Variants in COG5 observed in about 807,000 individuals in gnomAD.
The protein encoded by COG5 is conserved oligomeric Golgi complex subunit 5.
A neutral mutation model predicts 110.4 loss-of-function variants in COG5; 86 were observed. That is an observed-to-expected ratio of 0.78 (90% CI 0.65 to 0.93). COG5 has a LOEUF of 0.93. COG5 is among the 40% of genes least tolerant of loss of function. The pLI is 0.00. For missense variants in COG5, 1,077 were observed against 987.0 expected (o/e 1.09, Z -1.22); for synonymous variants, 360 against 334.6 (o/e 1.08, Z -0.83).
chr7:107,416,566 T>C (rs1056747144), intron 6 of COG5, among the ~76,000 whole-genome samples: 12 of 152,078 alleles, frequency 7.9e-5, no homozygotes, highest in African/African-American at 2.7e-4. Flanking sequence ...AACTTATATA[T>C]GTTAAAAATG....
intron 6 of COG5, among the ~76,000 whole-genome samples, chr7:107,429,533 TCCTACTGTTTCAA>T (rs2129078715): frequency 6.6e-6 from 1 of 152,110 alleles, no homozygotes; most frequent in East Asian, 1.9e-4. Flanking sequence ...GCTCAAGCAG[TCCTACTGTTTCAA>T]CCTCCAGAGT....
intron 6 of COG5, among the ~76,000 whole-genome samples, chr7:107,462,216 C>T (rs1796034406): frequency 6.6e-6 from 1 of 152,090 alleles, no homozygotes; most frequent in African/African-American, 2.4e-5. Flanking sequence ...TACTAGACAC[C>T]AGTAAGAATA....
At chr7:107,354,823 T>C (rs1359499743) in intron 10 of COG5, among the ~76,000 whole-genome samples, 1 of 152,206 alleles carries the variant, frequency 6.6e-6, no homozygotes, top group South Asian at 2.1e-4. Flanking sequence ...CATCTGATAT[T>C]TGAGATTACA....
In COG5 at chr7:107,283,805, T is replaced by C. The variant is rs571926666; in HGVS notation, c.1314-73A>G. 224 of 1,104,428 alleles carry C rather than the reference T, an allele frequency of 2.0e-4. 1 individual carries two copies. The African/African-American group carries it at 3.2e-3, about 16-fold the overall frequency. 68.4% of individuals were successfully genotyped at this position (1,104,428 alleles called of 1,614,324 possible). On this transcript the variant is annotated intron_variant, in intron 12 of 21. Transcript: ENST00000297135. ...AAATGCTATTGTATCAGGCTGTAAA[T>C]ACCTTTTTAAAAAATGCACCTCCCA...
chr7:107,242,026 C>G (rs937007770), intron 17 of COG5, among the ~76,000 whole-genome samples: 1 of 152,156 alleles, frequency 6.6e-6, no homozygotes, highest in African/African-American at 2.4e-5. Flanking sequence ...AAGCAGTCTG[C>G]CCGCCTCAGC....
At chr7:107,361,148 G>A (rs1813078445) in intron 10 of COG5, among the ~76,000 whole-genome samples, 1 of 152,106 alleles carries the variant, frequency 6.6e-6, no homozygotes, top group Non-Finnish European at 1.5e-5. Context: ...CTGGAGGTTA[G>A]GATTTAACAA....
intron 1 of COG5, 65 bp from the exon 2 acceptor site, chr7:107,558,180 C>T (rs1803471015): frequency 6.7e-7 from 1 of 1,498,240 alleles, no homozygotes; most frequent in Non-Finnish European, 9.3e-7. Context: ...TATTAAACAA[C>T]AGAACAATTA....
intron 6 of COG5, among the ~76,000 whole-genome samples, chr7:107,511,463 C>G (rs557937374): frequency 4.3e-4 from 65 of 152,206 alleles, no homozygotes; most frequent in African/African-American, 1.2e-3. Flanking sequence ...TTCTACCAGA[C>G]GTACAAGGAG....
chr7:107,251,271 T>C (rs1446153556), intron 16 of COG5, among the ~76,000 whole-genome samples: 1 of 152,144 alleles, frequency 6.6e-6, no homozygotes, highest in Non-Finnish European at 1.5e-5. Context: ...CAAACCCATA[T>C]TTCTATTTTC....
At chr7:107,332,472 A>C (rs1003540676) in intron 10 of COG5, among the ~76,000 whole-genome samples, 2 of 152,178 alleles carry the variant, frequency 1.3e-5, no homozygotes, top group African/African-American at 4.8e-5. Flanking sequence ...ATATGTTTGA[A>C]ATTTTATAAA....
chr7:107,408,307 G>A (rs1467545690), intron 7 of COG5, among the ~76,000 whole-genome samples: 1 of 152,058 alleles, frequency 6.6e-6, no homozygotes, highest in African/African-American at 2.4e-5. Flanking sequence ...CTGTCTCTTC[G>A]CAAAAAGTGT....
chr7:107,437,793 T>A (rs774044926), intron 6 of COG5, among the ~76,000 whole-genome samples: 4 of 152,172 alleles, frequency 2.6e-5, no homozygotes, highest in Non-Finnish European at 4.4e-5. Flanking sequence ...CATTTTTTCA[T>A]TACAGTACCT....
chr7:107,385,795 T>C (rs899333475), intron 7 of COG5, among the ~76,000 whole-genome samples: 2 of 150,842 alleles, frequency 1.3e-5, no homozygotes, highest in Admixed American at 6.6e-5. Context: ...TTGCCAACGC[T>C]TGTTATTTTC....
At position 107,527,269 on chromosome 7, in the gene COG5, A is replaced by T; in HGVS notation, c.506T>A (p.Ile169Lys). 1.9e-6 allele frequency: 3 copies of T among 1,605,602 alleles called. No individual in the cohort carries two copies. The highest frequency in any genetic ancestry group is 1.1e-5 in the South Asian group (1 of 90,122). Residue 169 changes from isoleucine to lysine, a missense_variant, in exon 6 of 22, where the codon ATA (isoleucine) becomes AAA (lysine). Coordinates refer to ENST00000297135, the MANE Select transcript of COG5 (RefSeq NM_006348.5). ...QGQLQGGSRE[I>K]TKAAQSLNEL... ...ATTGAGACTCTGAGCAGCTTTTGTT[A>T]TCTCTCTACTTCCCCCTTGCAGTTG...
chr7:107,428,498 A>G (rs1793799480), intron 6 of COG5, among the ~76,000 whole-genome samples: 1 of 152,116 alleles, frequency 6.6e-6, no homozygotes, highest in Admixed American at 6.5e-5. Flanking sequence ...AATGACCACA[A>G]TCACCAAAAG....
chr7:107,339,306 T>C (rs1444079730), intron 10 of COG5, among the ~76,000 whole-genome samples: 1 of 152,072 alleles, frequency 6.6e-6, no homozygotes, highest in African/African-American at 2.4e-5. Context: ...AAGTGCTCAA[T>C]TCAACAAAAA....
chr7:107,487,095 T>TA (rs1189441916), intron 6 of COG5, among the ~76,000 whole-genome samples: 1 of 152,130 alleles, frequency 6.6e-6, no homozygotes, highest in Non-Finnish European at 1.5e-5. Context: ...AGTATAATTA[T>TA]AAAACTTCTA....
intron 10 of COG5, among the ~76,000 whole-genome samples, chr7:107,351,786 G>A (rs1032384235): frequency 1.3e-5 from 2 of 150,130 alleles, no homozygotes; most frequent in African/African-American, 4.9e-5. Flanking sequence ...AGCTAGAATG[G>A]CGATCATTAA....
At chr7:107,499,891 C>G (rs564928044) in intron 6 of COG5, among the ~76,000 whole-genome samples, 11 of 152,166 alleles carry the variant, frequency 7.2e-5, no homozygotes, top group African/African-American at 2.6e-4. Context: ...AAAACATCCC[C>G]CAGCTCACTT....
Sources: allele counts gnomAD v4.1 joint callset (sites outside exome capture counted in the v4.1 genomes callset), GRCh38; gene constraint gnomAD v4.1.1; transcripts MANE v1.5; gene names NCBI Gene and HGNC (gene_info 2026-07-23, HGNC 2026-07-21).